The following SSR1 variants were observed in gnomAD, a reference collection of about 807,000 sequenced individuals.
SSR1 encodes the protein translocon-associated protein subunit alpha.
In SSR1, 13 loss-of-function variants were observed where a neutral mutation model predicts 36.1. That is an observed-to-expected ratio of 0.36 (90% CI 0.23 to 0.57). SSR1 has a LOEUF of 0.57. Among genes scored for constraint, SSR1 ranks in the 20% least tolerant of loss-of-function variants. The pLI, the probability that SSR1 is intolerant of heterozygous loss-of-function variation, is 0.81. For missense variants in SSR1, 291 were observed against 338.5 expected, an observed-to-expected ratio of 0.86 and a Z score of 1.10; for synonymous variants, 113 against 118.9, an observed-to-expected ratio of 0.95 and a Z score of 0.32.
intron 1 of SSR1, among the ~76,000 whole-genome samples, chr6:7,310,632 C>T (rs1581639247): frequency 6.6e-6 from 1 of 152,196 alleles, no homozygotes; most frequent in East Asian, 1.9e-4. Context: ...GCATTCTTGG[C>T]CGGCGCGGTG....
At chr6:7,294,672 CAG>C (rs1194610493) in intron 7 of SSR1, among the ~76,000 whole-genome samples, 1 of 151,342 alleles carries the variant, frequency 6.6e-6, no homozygotes, top group African/African-American at 2.4e-5. Context: ...GCCTGGGCGA[CAG>C]AGCAAGATTC....
At chr6:7,307,000 G>C (rs555952661) in intron 2 of SSR1, among the ~76,000 whole-genome samples, 1 of 151,016 alleles carries the variant, frequency 6.6e-6, no homozygotes, top group South Asian at 2.1e-4. Context: ...CCAATAACCT[G>C]TGTCTAAACC....
intron 7 of SSR1, among the ~76,000 whole-genome samples, chr6:7,293,362 A>C (rs1757725157): frequency 6.6e-6 from 1 of 151,570 alleles, no homozygotes; most frequent in South Asian, 2.1e-4. Flanking sequence ...CCCTTCCCCG[A>C]GTCCCAAAAG....
Position 7,286,005 on chromosome 6 carries a change from C to G in SSR1, c.*3859G>C, listed in dbSNP as rs1168873393. 6.6e-6 allele frequency: 1 copy of G among 152,152 alleles called. No homozygotes were observed. Among genetic ancestry groups the G allele is most frequent in the South Asian group, 2.1e-4 (1 of 4,822 alleles). 9.4% of individuals were successfully genotyped at this position (152,152 alleles called of 1,614,324 possible). A position where few individuals can be genotyped will look rare whatever the true frequency, so the allele number is the denominator to read the frequency against. ...TCATTACTGAGATGATTTGAACTTTCCATATTCAATATGGAACCTTGAGCA... is the reference window on the plus strand; with the variant it reads ...TCATTACTGAGATGATTTGAACTTTGCATATTCAATATGGAACCTTGAGCA... On this transcript the variant is annotated 3_prime_UTR_variant, in exon 8 of 8. Coordinates refer to ENST00000244763, the MANE Select transcript of SSR1 (RefSeq NM_003144.5).
intron 4 of SSR1, among the ~76,000 whole-genome samples, chr6:7,300,862 C>T (rs756241856): frequency 6.6e-5 from 10 of 152,118 alleles, no homozygotes; most frequent in South Asian, 2.1e-4. Flanking sequence ...AGGCTGGTCT[C>T]GAACTCCCGA....
At chr6:7,296,793 T>C (rs570242711) in intron 6 of SSR1, 1 of 152,348 alleles carries the variant, frequency 6.6e-6, no homozygotes, top group East Asian at 1.9e-4. Flanking sequence ...ACCATGATCG[T>C]GGCAGACCCT....
At chr6:7,312,871 C>A (rs1045228988) in intron 1 of SSR1, among the ~76,000 whole-genome samples, 171 bp downstream of exon 1, 1 of 152,226 alleles carries the variant, frequency 6.6e-6, no homozygotes, top group Admixed American at 6.5e-5. Flanking sequence ...GTCTCCAGCG[C>A]CCGCGGGGAC....
chr6:7,304,250 T>G (rs530867443), intron 2 of SSR1, among the ~76,000 whole-genome samples: 2 of 152,350 alleles, frequency 1.3e-5, no homozygotes, highest in East Asian at 3.9e-4. Flanking sequence ...AGAACAGAGC[T>G]TGGTAAACTT....
chr6:7,289,745 T>C lies in SSR1; in HGVS notation c.*119A>G. ...ATCGCCACAGACTCTGATTGCTCAG[T>C]CCACACACAAGTAGGAGTTGCCTTC... is the stretch of plus-strand genomic sequence containing the variant. On this transcript the variant is annotated 3_prime_UTR_variant, in exon 8 of 8. Coordinates refer to ENST00000244763, the MANE Select transcript of SSR1 (RefSeq NM_003144.5). 1 of 823,662 alleles carries C rather than the reference T, an allele frequency of 1.2e-6. No homozygotes were observed. Among genetic ancestry groups the C allele is most frequent in the Non-Finnish European group, 1.9e-6 (1 of 524,888 alleles). The allele number at this position is 823,662 out of a possible 1,614,324, so 51.0% of individuals were successfully genotyped here.
chr6:7,295,177 C>T, intron 7 of SSR1: 1 of 1,452,292 alleles, frequency 6.9e-7, no homozygotes, highest in Non-Finnish European at 9.1e-7. Flanking sequence ...AAATAAGCTG[C>T]AGATCTGGAA....
intron 1 of SSR1, 128 bp from the exon 2 acceptor site, chr6:7,310,157 G>A (rs1758158358): frequency 3.1e-6 from 2 of 635,196 alleles, no homozygotes; most frequent in Non-Finnish European, 2.8e-6. Context: ...CCTGAATGAT[G>A]CCAATTACAA....
At chr6:7,293,892 C>G (rs962884711) in intron 7 of SSR1, among the ~76,000 whole-genome samples, 1 of 152,100 alleles carries the variant, frequency 6.6e-6, no homozygotes, top group Non-Finnish European at 1.5e-5. Context: ...TAAAGAAATG[C>G]AAATGAAACA....
At chr6:7,298,618 G>A (rs1025452887) in intron 5 of SSR1, 129 bp downstream of exon 5, 8 of 634,322 alleles carry the variant, frequency 1.3e-5, no homozygotes, top group African/African-American at 7.3e-5. Flanking sequence ...AATGAATATC[G>A]TAAGGATTTC....
intron 4 of SSR1, among the ~76,000 whole-genome samples, chr6:7,299,642 G>A (rs922266903): frequency 6.7e-6 from 1 of 150,370 alleles, no homozygotes; most frequent in African/African-American, 2.5e-5. Context: ...AGGTTGTGAT[G>A]AGCCGAGATC....
chr6:7,305,969 A>G (rs1758043587), intron 2 of SSR1, among the ~76,000 whole-genome samples: 1 of 152,234 alleles, frequency 6.6e-6, no homozygotes, highest in Non-Finnish European at 1.5e-5. Context: ...AGAATATTTC[A>G]GCTATTGCAA....
chr6:7,295,932 G>A (rs1757785624), intron 6 of SSR1, among the ~76,000 whole-genome samples: 1 of 152,106 alleles, frequency 6.6e-6, no homozygotes, highest in Non-Finnish European at 1.5e-5. Context: ...TTTATACAAT[G>A]ACTTTATTTC....
intron 2 of SSR1, 100 bp from the exon 3 acceptor site, chr6:7,303,737 T>A (rs1757989346): frequency 1.2e-6 from 1 of 853,826 alleles, no homozygotes; most frequent in African/African-American, 1.7e-5. Context: ...ACACTTATAA[T>A]CTCAGCACTT....
chr6:7,301,284 CAAA>C lies in SSR1; in HGVS notation c.543+23_543+25del, dbSNP rs570633088. 3.8e-5 allele frequency: 61 copies of C among 1,605,278 alleles called. No individual in the cohort carries two copies. In the South Asian group the frequency reaches 6.6e-4, roughly 17 times the overall value. On this transcript the variant is annotated intron_variant, in intron 4 of 7. Coordinates refer to ENST00000244763, the MANE Select transcript of SSR1 (RefSeq NM_003144.5). ...CGCCCCCATCCATCTCTAACTTAAA[CAAA>C]AAGAAGGTTTAGAGGATCTTACGTT...
At chr6:7,297,781 C>T in intron 6 of SSR1, 142 bp downstream of exon 6, 1 of 579,908 alleles carries the variant, frequency 1.7e-6, no homozygotes, top group East Asian at 3.0e-5. Flanking sequence ...TCTAAGGCTT[C>T]AGGTTTTATT....
Sources: allele counts gnomAD v4.1 joint callset (sites outside exome capture counted in the v4.1 genomes callset), GRCh38; gene constraint gnomAD v4.1.1; transcripts MANE v1.5; gene names NCBI Gene and HGNC (gene_info 2026-07-23, HGNC 2026-07-21).